OPCML: variants seen among roughly 807,000 people sequenced by gnomAD.
OPCML encodes the protein opioid binding protein/cell adhesion molecule like.
OPCML carries 13 observed loss-of-function variants against 37.8 expected under a neutral mutation model. The observed-to-expected ratio is 0.34, with a 90% CI of 0.22 to 0.55. The LOEUF is 0.55. Among genes scored for constraint, OPCML ranks in the 20% least tolerant of loss-of-function variants. OPCML has a pLI of 0.91. For missense variants in OPCML, 341 were observed against 435.6 expected, an observed-to-expected ratio of 0.78 and a Z score of 1.93; for synonymous variants, 176 against 168.8, an observed-to-expected ratio of 1.04 and a Z score of -0.33.
chr11:132,490,535 C>T (rs539856767), intron 4 of OPCML, among the ~76,000 whole-genome samples: 5 of 144,780 alleles, frequency 3.5e-5, no homozygotes, highest in Non-Finnish European at 1.5e-5. Context: ...TTCCATCTTC[C>T]GGCCTGACCT....
intron 2 of OPCML, among the ~76,000 whole-genome samples, chr11:132,790,676 C>T (rs1005340400): frequency 1.3e-5 from 2 of 152,136 alleles, no homozygotes; most frequent in African/African-American, 2.4e-5. Flanking sequence ...GCAGGAACCC[C>T]GGAGGAAAGG....
At chr11:132,463,771 T>C (rs1203607154) in intron 4 of OPCML, among the ~76,000 whole-genome samples, 1 of 152,218 alleles carries the variant, frequency 6.6e-6, no homozygotes, top group Non-Finnish European at 1.5e-5. Flanking sequence ...TTTCTAAAAA[T>C]ACATATTATT....
At chr11:132,503,931 G>C (rs545871630) in intron 4 of OPCML, among the ~76,000 whole-genome samples, 1 of 152,190 alleles carries the variant, frequency 6.6e-6, no homozygotes, top group African/African-American at 2.4e-5. Flanking sequence ...CTATCTCTTA[G>C]AGTAACCTAG....
intron 1 of OPCML, among the ~76,000 whole-genome samples, chr11:133,403,126 CA>C (rs1313263835): frequency 6.6e-6 from 1 of 152,172 alleles, no homozygotes; most frequent in Non-Finnish European, 1.5e-5. Flanking sequence ...TACTTAAGTA[CA>C]AATCTGGGTC....
intron 1 of OPCML, among the ~76,000 whole-genome samples, chr11:133,368,968 T>A (rs575643385): frequency 1.3e-5 from 2 of 152,352 alleles, no homozygotes; most frequent in African/African-American, 4.8e-5. Flanking sequence ...AAAACCGTTA[T>A]AAGAAGATAT....
In OPCML at chr11:132,520,674, A is replaced by ATATATGTGTGTGTGTG. The variant is rs10630619; in HGVS notation, c.505+8386_505+8387insCACACACACACATATA. Among the ~76,000 whole-genome samples, 29 of 128,096 alleles carry ATATATGTGTGTGTGTG rather than the reference A, an allele frequency of 2.3e-4. 1 individual carries two copies. The Middle Eastern group carries it at 0.012, about 54-fold the overall frequency. The allele number at this position is 128,096 out of a possible 152,430, so 84.0% of individuals were successfully genotyped here. A position where few individuals can be genotyped will look rare whatever the true frequency, so the allele number is the denominator to read the frequency against. On this transcript the variant is annotated intron_variant, in intron 4 of 7. Coordinates refer to ENST00000524381, the MANE Select transcript of OPCML (RefSeq NM_001012393.5). ...TGTCATCTTATGTAACTAAATATAT[A>ATATATGTGTGTGTGTG]TGTGTGTGTGTGTGTGTGTGTGTGT...
intron 3 of OPCML, among the ~76,000 whole-genome samples, chr11:132,536,254 A>C (rs1377303017): frequency 1.3e-5 from 2 of 152,198 alleles, no homozygotes; most frequent in Admixed American, 6.5e-5. Flanking sequence ...ACCAGTCACA[A>C]TATTTGGTTG....
At chr11:132,812,652 G>A (rs566500737) in intron 2 of OPCML, among the ~76,000 whole-genome samples, 2 of 152,254 alleles carry the variant, frequency 1.3e-5, no homozygotes, top group South Asian at 4.2e-4. Flanking sequence ...TGAGAACTCA[G>A]CAAATATTCT....
chr11:132,907,336 A>G (rs1025857746), intron 2 of OPCML, among the ~76,000 whole-genome samples: 1 of 151,856 alleles, frequency 6.6e-6, no homozygotes, highest in Non-Finnish European at 1.5e-5. Context: ...TTCCTCCTCC[A>G]TTTGTCCTTT....
chr11:133,463,597 A>G (rs1946908392), intron 1 of OPCML, among the ~76,000 whole-genome samples: 2 of 152,126 alleles, frequency 1.3e-5, no homozygotes, highest in Admixed American at 1.3e-4. Context: ...ATTTTAAAAT[A>G]AAGCCTTATA....
chr11:133,201,093 T>C (rs2136319332), intron 1 of OPCML, among the ~76,000 whole-genome samples: 1 of 152,224 alleles, frequency 6.6e-6, no homozygotes, highest in East Asian at 1.9e-4. Flanking sequence ...TACATATGTA[T>C]ACAAAGAAAA....
At chr11:133,318,729 T>A (rs1301637669) in intron 1 of OPCML, among the ~76,000 whole-genome samples, 1 of 152,158 alleles carries the variant, frequency 6.6e-6, no homozygotes, top group Non-Finnish European at 1.5e-5. Context: ...ACTGGCTCCA[T>A]TCTCTATGCC....
intron 4 of OPCML, among the ~76,000 whole-genome samples, chr11:132,500,453 C>A (rs1444648358): frequency 6.6e-6 from 1 of 152,166 alleles, no homozygotes; most frequent in Non-Finnish European, 1.5e-5. Flanking sequence ...GCTTCCCAAG[C>A]CAACTTCCAG....
At chr11:132,656,294 G>C (rs1352780187) in intron 3 of OPCML, among the ~76,000 whole-genome samples, 2 of 152,278 alleles carry the variant, frequency 1.3e-5, no homozygotes, top group South Asian at 4.1e-4. Flanking sequence ...CTATCTGCAT[G>C]TGTTTTTAAT....
intron 1 of OPCML, among the ~76,000 whole-genome samples, chr11:133,457,452 T>A (rs903001437): frequency 6.6e-6 from 1 of 152,018 alleles, no homozygotes; most frequent in Non-Finnish European, 1.5e-5. Flanking sequence ...GGAGGGAGGA[T>A]CACTTGAGCC....
intron 2 of OPCML, among the ~76,000 whole-genome samples, chr11:132,680,360 AAC>A (rs549961606): frequency 7.2e-5 from 11 of 152,204 alleles, no homozygotes; most frequent in Non-Finnish European, 1.6e-4. Flanking sequence ...ATAAAGGAGT[AAC>A]ACAAAGGGCA....
rs191387223 is a variant in OPCML at position 132,681,515 on chromosome 11, G to A, written c.147-24196C>T. 8.9e-4 allele frequency among the ~76,000 whole-genome samples: 136 copies of A among 152,208 alleles called. 1 individual carries two copies. In the East Asian group the frequency reaches 0.023, roughly 26 times the overall value. On this transcript the variant is annotated intron_variant, in intron 2 of 7. Transcript: ENST00000524381. ...GACTCTGGGGGAAGATGACCTTCCTGCTCCATCTCCTCTCCAGCTCCCCTT... is the reference window on the plus strand; with the variant it reads ...GACTCTGGGGGAAGATGACCTTCCTACTCCATCTCCTCTCCAGCTCCCCTT...
chr11:132,913,698 C>T (rs950737876), intron 2 of OPCML, among the ~76,000 whole-genome samples: 5 of 152,208 alleles, frequency 3.3e-5, no homozygotes, highest in Non-Finnish European at 7.3e-5. Flanking sequence ...GCTTCTAGGG[C>T]AGCCCCCTTT....
intron 1 of OPCML, among the ~76,000 whole-genome samples, chr11:133,180,756 A>G (rs571394503): frequency 3.3e-5 from 5 of 151,186 alleles, no homozygotes; most frequent in African/African-American, 1.2e-4. Flanking sequence ...GCTTTACGGT[A>G]CGCATCACAC....
Sources: gnomAD v4.1 joint callset for allele counts (sites outside exome capture counted in the v4.1 genomes callset) on GRCh38, gnomAD v4.1.1 for gene constraint, MANE v1.5 for transcripts, NCBI Gene and HGNC (gene_info 2026-07-23, HGNC 2026-07-21) for gene names.